The following PPP2R5C variants were observed in gnomAD, a reference collection of about 807,000 sequenced individuals.
PPP2R5C encodes the protein serine/threonine-protein phosphatase 2A 56 kDa regulatory subunit gamma isoform.
In PPP2R5C, 7 loss-of-function variants were observed where a neutral mutation model predicts 68.9. That is an observed-to-expected ratio of 0.10 (90% CI 0.06 to 0.19). The LOEUF is 0.19. Among genes scored for constraint, PPP2R5C ranks in the 10% least tolerant of loss-of-function variants. The pLI, the probability that PPP2R5C is intolerant of heterozygous loss-of-function variation, is 1.00. For missense variants in PPP2R5C, 348 were observed against 641.3 expected, an observed-to-expected ratio of 0.54 and a Z score of 4.94; for synonymous variants, 210 against 222.2, an observed-to-expected ratio of 0.95 and a Z score of 0.49.
chr14:101,905,099 G>A (rs150116570), intron 9 of PPP2R5C, among the ~76,000 whole-genome samples: 2,683 of 152,060 alleles, frequency 0.018, 46 homozygotes, highest in African/African-American at 0.039. Flanking sequence ...CACGCCTGTA[G>A]TCCCAGCACT....
At chr14:101,817,239 A>G (rs939973053) in intron 1 of PPP2R5C, among the ~76,000 whole-genome samples, 1 of 152,088 alleles carries the variant, frequency 6.6e-6, no homozygotes, top group Non-Finnish European at 1.5e-5. Flanking sequence ...TACAGGCGTG[A>G]GCCACTGCCC....
intron 2 of PPP2R5C, among the ~76,000 whole-genome samples, chr14:101,777,460 C>T (rs572263091): frequency 6.6e-6 from 1 of 152,152 alleles, no homozygotes; most frequent in Admixed American, 6.5e-5. Flanking sequence ...AGCGATTCTC[C>T]TGCCTCAGCC....
intron 1 of PPP2R5C, among the ~76,000 whole-genome samples, chr14:101,816,557 A>G (rs938780968): frequency 1.7e-4 from 26 of 152,188 alleles, no homozygotes; most frequent in African/African-American, 6.3e-4. Flanking sequence ...AGGCAGCTGG[A>G]GAAAGTGGAG....
intron 10 of PPP2R5C, among the ~76,000 whole-genome samples, chr14:101,908,662 C>A (rs1843775245): frequency 6.6e-6 from 1 of 152,050 alleles, no homozygotes; most frequent in South Asian, 2.1e-4. Context: ...GTGTGAGCCA[C>A]CGCGCCTGGC....
chr14:101,900,117 G>A (rs1326542833), intron 8 of PPP2R5C, among the ~76,000 whole-genome samples: 1 of 151,974 alleles, frequency 6.6e-6, no homozygotes, highest in Non-Finnish European at 1.5e-5. Context: ...GAACTCCTGG[G>A]CTCAAGCATT....
intron 2 of PPP2R5C, among the ~76,000 whole-genome samples, chr14:101,784,607 C>T (rs1170090001): frequency 6.6e-6 from 1 of 152,182 alleles, no homozygotes; most frequent in Admixed American, 6.5e-5. Context: ...CCCCCACAAT[C>T]CAGTCACCTC....
chr14:101,889,189 G>C (rs1243935686), intron 5 of PPP2R5C, among the ~76,000 whole-genome samples: 2 of 152,208 alleles, frequency 1.3e-5, no homozygotes, highest in Non-Finnish European at 2.9e-5. Flanking sequence ...CGAAATTTCA[G>C]AGTTGAATTT....
chr14:101,855,901 G>A (rs1480069349), intron 1 of PPP2R5C, among the ~76,000 whole-genome samples: 1 of 152,214 alleles, frequency 6.6e-6, no homozygotes, highest in Non-Finnish European at 1.5e-5. Context: ...GCAAGAAAGT[G>A]TCAATATGTG....
intron 12 of PPP2R5C, among the ~76,000 whole-genome samples, chr14:101,914,841 A>G (rs1361887824): frequency 6.6e-6 from 1 of 152,216 alleles, no homozygotes; most frequent in African/African-American, 2.4e-5. Flanking sequence ...AAAAGGGGCC[A>G]TATAATATTT....
exon 14 of PPP2R5C, chr14:101,927,419 A>AT (rs1396217628): frequency 2.0e-5 from 3 of 152,664 alleles, no homozygotes; most frequent in Non-Finnish European, 4.4e-5. Context: ...TCCTGTGCTA[A>AT]TTGTCAGCTT....
At chr14:101,887,512 G>A (rs185851022) in intron 5 of PPP2R5C, among the ~76,000 whole-genome samples, 167 of 152,308 alleles carry the variant, frequency 1.1e-3, no homozygotes, top group African/African-American at 3.8e-3. Flanking sequence ...TCATCCAGAC[G>A]GTTCTGCTCC....
intron 1 of PPP2R5C, chr14:101,839,206 C>A (rs771851688): frequency 6.9e-6 from 1 of 145,948 alleles, no homozygotes; most frequent in Non-Finnish European, 1.5e-5. Context: ...CAAAATTAGC[C>A]GGGAGTGGTG....
At chr14:101,894,997 CTG>C (rs2045218129) in intron 8 of PPP2R5C, among the ~76,000 whole-genome samples, 1 of 152,192 alleles carries the variant, frequency 6.6e-6, no homozygotes, top group Non-Finnish European at 1.5e-5. Flanking sequence ...CCAAGTTACA[CTG>C]TAACTATTTT....
At chr14:101,816,640 G>A (rs1003967359) in intron 1 of PPP2R5C, among the ~76,000 whole-genome samples, 2 of 151,528 alleles carry the variant, frequency 1.3e-5, no homozygotes, top group African/African-American at 4.9e-5. Flanking sequence ...CTTTTGTAAG[G>A]GACTTTTCTT....
chr14:101,761,880 G>C, upstream of PPP2R5C: 2 of 1,142,938 alleles, frequency 1.7e-6, no homozygotes, highest in East Asian at 8.6e-5. Flanking sequence ...CGGCGGCGGC[G>C]GCCCGCTCCA....
At chr14:101,861,008 T>G (rs1026170929) in intron 2 of PPP2R5C, among the ~76,000 whole-genome samples, 4 of 152,178 alleles carry the variant, frequency 2.6e-5, no homozygotes, top group African/African-American at 9.7e-5. Context: ...TCAGCCGTAT[T>G]TAAATATAAT....
rs764418324 is a variant in PPP2R5C at position 101,925,214 on chromosome 14, A to C, written c.1517A>C (p.Lys506Thr). Residue 506 changes from lysine to threonine, a missense_variant, in exon 14 of 14, where the codon AAG becomes ACG. Lys to Thr is a moderately conservative substitution (Grantham distance 78, BLOSUM62 -1). Transcript: ENST00000334743. ...GAGCTGCCTCAGGACCCCCACACCA[A>C]GAAAGCCTTGGAAGCTCACTGCAGG... The C allele has an allele frequency of 3.1e-6, 5 of 1,613,848 alleles. No individual in the cohort carries two copies. Among genetic ancestry groups the C allele is most frequent in the Non-Finnish European group, 4.2e-6 (5 of 1,180,008 alleles).
chr14:101,854,548 G>T lies in PPP2R5C; in HGVS notation c.95-2138G>T, dbSNP rs75315842. Among the ~76,000 whole-genome samples, 161 of 152,298 alleles carry T rather than the reference G, an allele frequency of 1.1e-3. 1 individual carries two copies. In the Middle Eastern group the frequency reaches 0.014, roughly 13 times the overall value. On this transcript the variant is annotated intron_variant, in intron 1 of 13. Transcript: ENST00000334743. ...AGGCCTTGTAGAAGAAACCTCAACA[G>T]GAAGTTGACAGTAGGGGCAGGGAAG...
chr14:101,848,376 C>T (rs2041962728), intron 1 of PPP2R5C, among the ~76,000 whole-genome samples: 1 of 151,812 alleles, frequency 6.6e-6, no homozygotes, highest in Non-Finnish European at 1.5e-5. Flanking sequence ...ACTAAAAATA[C>T]AAAAATTAGC....
Sources: allele counts gnomAD v4.1 joint callset (sites outside exome capture counted in the v4.1 genomes callset), GRCh38; gene constraint gnomAD v4.1.1; transcripts MANE v1.5; gene names NCBI Gene and HGNC (gene_info 2026-07-23, HGNC 2026-07-21).